The following KCNQ1 variants were observed in gnomAD, a reference collection of about 807,000 sequenced individuals.
The protein encoded by KCNQ1 is potassium voltage-gated channel subfamily Q member 1.
KCNQ1 carries 49 observed loss-of-function variants against 72.4 expected under a neutral mutation model. The observed-to-expected ratio is 0.68, with a 90% confidence interval of 0.54 to 0.86. KCNQ1 has a LOEUF of 0.86. Ranked by LOEUF, KCNQ1 falls within the 40% of genes least tolerant of loss-of-function variation. The probability of loss-of-function intolerance (pLI) is 0.00; values close to 1 mark genes in which losing one functional copy is unlikely to be tolerated. For missense variants in KCNQ1, 790 were observed against 945.1 expected (o/e 0.84, Z 2.15); for synonymous variants, 450 against 412.6 (o/e 1.09, Z -1.10).
At chr11:2,701,856 G>C (rs181332226) in intron 11 of KCNQ1, among the ~76,000 whole-genome samples, 13 of 152,368 alleles carry the variant, frequency 8.5e-5, no homozygotes, top group Admixed American at 5.2e-4. Context: ...CTGCAATGCA[G>C]AGATACCTGC....
chr11:2,631,539 C>A, intron 10 of KCNQ1: 2 of 398,262 alleles, frequency 5.0e-6, no homozygotes, highest in South Asian at 2.6e-4. Context: ...TTAAATCAGT[C>A]GTTTTTAATT....
At position 2,711,940 on chromosome 11, in the gene KCNQ1, C is replaced by A. The variant is rs1288788167; in HGVS notation, c.1514+49859C>A. Among the ~76,000 whole-genome samples, 1 of 152,072 alleles carries A rather than the reference C, an allele frequency of 6.6e-6. No homozygotes were observed. The highest frequency in any genetic ancestry group is 1.5e-5 in the Non-Finnish European group (1 of 68,008). The stretch of plus-strand genomic sequence containing the variant: ...GTGGCTGGGGCTGCTCACCTGCTCA[C>A]CTGTGTCCATCCCCTTGGGCAGCAC... On this transcript the variant is annotated intron_variant, in intron 11 of 15. Coordinates refer to ENST00000155840, the MANE Select transcript of KCNQ1 (RefSeq NM_000218.3). This position sits in a 1 kb window ranked among gnomAD's most constrained non-coding sequence, Gnocchi z 5.4.
intron 11 of KCNQ1, chr11:2,684,563 A>T (rs1477776617): frequency 2.5e-6 from 1 of 398,542 alleles, no homozygotes; most frequent in Non-Finnish European, 4.4e-6. Flanking sequence ...CATGTCCCAT[A>T]AATGACTTTC....
In KCNQ1 at chr11:2,761,333, C is replaced by T. The variant is rs144925633; in HGVS notation, c.1515-7511C>T. On this transcript the variant is annotated intron_variant, in intron 11 of 15. Coordinates refer to ENST00000155840, the MANE Select transcript of KCNQ1 (RefSeq NM_000218.3). ...TGTGTTCCTCTCGACCTACCCTCAA[C>T]GTCCAGCCGCTTGTGTCTTCTTCTG... Among the ~76,000 whole-genome samples the T allele has an allele frequency of 6.8e-4, 103 of 152,282 alleles. 1 individual carries two copies. The highest frequency in any genetic ancestry group is 1.8e-3 in the African/African-American group (75 of 41,546).
In KCNQ1 at chr11:2,817,896, C is replaced by T. The variant is rs768173738; in HGVS notation, c.1795-29871C>T. On this transcript the variant is annotated intron_variant, in intron 15 of 15. Coordinates refer to ENST00000155840, the MANE Select transcript of KCNQ1 (RefSeq NM_000218.3). This position sits in a 1 kb window ranked among gnomAD's most constrained non-coding sequence, Gnocchi z 6.1. ...CCCCAGCCAGCACCTACCAGCTTTGCGCAAATGCTCCACATTTGCATTTTA... is the reference window on the plus strand; with the variant it reads ...CCCCAGCCAGCACCTACCAGCTTTGTGCAAATGCTCCACATTTGCATTTTA... 2.4e-4 allele frequency among the ~76,000 whole-genome samples: 37 copies of T among 152,238 alleles called. No homozygotes were observed. Among genetic ancestry groups the T allele is most frequent in the African/African-American group, 7.5e-4 (31 of 41,540 alleles).
intron 10 of KCNQ1, chr11:2,656,640 A>G (rs577250569): frequency 1.5e-4 from 58 of 398,186 alleles, no homozygotes; most frequent in African/African-American, 1.1e-3. Context: ...TATTTTTCCT[A>G]TTGATTTGTA....
intron 1 of KCNQ1, among the ~76,000 whole-genome samples, chr11:2,460,998 G>A (rs1448167470): frequency 6.6e-6 from 1 of 152,224 alleles, no homozygotes; most frequent in Admixed American, 6.5e-5. Context: ...GTTTCCGGGG[G>A]TGTCCGGGAG....
At chr11:2,774,833 T>A (rs1284046579) in intron 12 of KCNQ1, among the ~76,000 whole-genome samples, 6 of 152,128 alleles carry the variant, frequency 3.9e-5, no homozygotes, top group African/African-American at 1.4e-4. Context: ...AGGGAGGGCA[T>A]GTTCCCAGAC....
chr11:2,848,342 A>C lies in KCNQ1; in HGVS notation c.*339A>C. The C allele has an allele frequency of 1.8e-6, 1 of 567,648 alleles. No homozygotes were observed. The allele number at this position is 567,648 out of a possible 1,614,324, so 35.2% of individuals were successfully genotyped here. A position where few individuals can be genotyped will look rare whatever the true frequency, so the allele number is the denominator to read the frequency against. ...GGCCCATGTATGGCCAGGAAGTAGC[A>C]CAGGCTGAGTGCAGGCCCACCCTGC... On this transcript the variant is annotated 3_prime_UTR_variant, in exon 16 of 16. Transcript: ENST00000155840.
At position 2,579,439 on chromosome 11, in the gene KCNQ1, C is replaced by T. The variant is rs150828583; in HGVS notation, c.922-3996C>T. On this transcript the variant is annotated intron_variant, in intron 6 of 15. Transcript: ENST00000155840. The surrounding 1 kb of genome is among the most constrained non-coding windows in gnomAD (Gnocchi z 6.0). Reference sequence around the variant, plus strand: ...TGGCTGGTGCCCTGGCAAGGAGCCACGGCCCAGGAGACAGACATGTGGATC... The same window carrying T: ...TGGCTGGTGCCCTGGCAAGGAGCCATGGCCCAGGAGACAGACATGTGGATC... Among the ~76,000 whole-genome samples the T allele has an allele frequency of 5.4e-3, 823 of 152,322 alleles. 11 individuals carry two copies. The highest frequency in any genetic ancestry group is 0.019 in the African/African-American group (792 of 41,560).
chr11:2,480,047 T>G (rs1846629178), intron 1 of KCNQ1, among the ~76,000 whole-genome samples: 1 of 152,168 alleles, frequency 6.6e-6, no homozygotes, highest in Admixed American at 6.6e-5. Flanking sequence ...GTTTCTCATC[T>G]CCATCTGAGA....
At position 2,848,740 on chromosome 11, in the gene KCNQ1, C is replaced by T; in HGVS notation, c.*737C>T. The T allele has an allele frequency of 2.2e-6, 1 of 454,014 alleles. No individual in the cohort carries two copies. Among genetic ancestry groups the T allele is most frequent in the Non-Finnish European group, 4.4e-6 (1 of 226,710 alleles). 28.1% of individuals were successfully genotyped at this position (454,014 alleles called of 1,614,324 possible). Reference sequence around the variant, plus strand: ...GCCCCTGAGCCCACTGTGCGTGGGGCTCCCGCCTCCAACCCCTCGCCCAGT... The same window carrying T: ...GCCCCTGAGCCCACTGTGCGTGGGGTTCCCGCCTCCAACCCCTCGCCCAGT... On this transcript the variant is annotated 3_prime_UTR_variant, in exon 16 of 16. Coordinates refer to ENST00000155840, the MANE Select transcript of KCNQ1 (RefSeq NM_000218.3).
At position 2,645,044 on chromosome 11, in the gene KCNQ1, C is replaced by G. The variant is rs1002480214; in HGVS notation, c.1394-16917C>G. The G allele has an allele frequency of 7.5e-6, 3 of 398,664 alleles. No homozygotes were observed. Among genetic ancestry groups the G allele is most frequent in the African/African-American group, 6.2e-5 (3 of 48,620 alleles). The allele number at this position is 398,664 out of a possible 1,614,324, so 24.7% of individuals were successfully genotyped here. A position where few individuals can be genotyped will look rare whatever the true frequency, so the allele number is the denominator to read the frequency against. ...ATTTTGGGCCTCCAGGCAACTTGCTCAGGTGCCAATGATGACAGAGCTGGG... is the reference window on the plus strand; with the variant it reads ...ATTTTGGGCCTCCAGGCAACTTGCTGAGGTGCCAATGATGACAGAGCTGGG... On this transcript the variant is annotated intron_variant, in intron 10 of 15. Transcript: ENST00000155840. The surrounding 1 kb of genome is among the most constrained non-coding windows in gnomAD (Gnocchi z 5.8).
Position 2,570,663 on chromosome 11 carries a change from C to T in KCNQ1, c.513C>T (p.Tyr171=), listed in dbSNP as rs139042529. 1,372 of 1,612,624 alleles carry T rather than the reference C, an allele frequency of 8.5e-4. 4 individuals are homozygous for T. Among genetic ancestry groups the T allele is most frequent in the Admixed American group, 1.1e-3 (65 of 60,020 alleles). ...IVLVVFFGTE[Y]VVRLWSAGCR... ...TGGTGGTGTTCTTCGGGACGGAGTACGTGGTCCGCCTCTGGTCCGCCGGCT... is the reference window on the plus strand; with the variant it reads ...TGGTGGTGTTCTTCGGGACGGAGTATGTGGTCCGCCTCTGGTCCGCCGGCT... The change falls in exon 3 of 16, where the codon TAC becomes TAT. Residue 171 remains tyrosine (Y), a synonymous_variant. Coordinates refer to ENST00000155840, the MANE Select transcript of KCNQ1 (RefSeq NM_000218.3).
At chr11:2,505,088 C>G (rs1013331944) in intron 1 of KCNQ1, among the ~76,000 whole-genome samples, 2 of 151,246 alleles carry the variant, frequency 1.3e-5, no homozygotes, top group Non-Finnish European at 2.9e-5. Flanking sequence ...TCCCAGGACA[C>G]ATGTGCAGGA....
At chr11:2,696,436 C>T (rs1850677589) in intron 11 of KCNQ1, 1 of 398,700 alleles carries the variant, frequency 2.5e-6, no homozygotes, top group Non-Finnish European at 4.4e-6. Context: ...GAGCTCTCTT[C>T]TGGGCCTCTG....
Position 2,626,743 on chromosome 11 carries a change from G to A in KCNQ1, c.1394-35218G>A. On this transcript the variant is annotated intron_variant, in intron 10 of 15. Coordinates refer to ENST00000155840, the MANE Select transcript of KCNQ1 (RefSeq NM_000218.3). This position sits in a 1 kb window ranked among gnomAD's most constrained non-coding sequence, Gnocchi z 4.0. ...GAGGTCTCCCTGTGTTCCCCAGGCT[G>A]GTCTCAAACTCCTGGACTCAGAAGT... 2.5e-6 allele frequency: 1 copy of A among 398,334 alleles called. No homozygotes were observed. The highest frequency in any genetic ancestry group is 4.4e-6 in the Non-Finnish European group (1 of 226,058). 24.7% of individuals were successfully genotyped at this position (398,334 alleles called of 1,614,324 possible). A position where few individuals can be genotyped will look rare whatever the true frequency, so the allele number is the denominator to read the frequency against.
intron 11 of KCNQ1, among the ~76,000 whole-genome samples, chr11:2,718,179 G>A (rs549337207): frequency 2.0e-4 from 31 of 152,278 alleles, no homozygotes; most frequent in African/African-American, 7.2e-4. Context: ...GCAGCCCAGA[G>A]GCCCTCCCCT....
Position 2,598,485 on chromosome 11 carries a change from A to T in KCNQ1, c.1393+9631A>T, listed in dbSNP as rs1176213206. 2.0e-5 allele frequency among the ~76,000 whole-genome samples: 3 copies of T among 152,150 alleles called. No individual in the cohort carries two copies. Among genetic ancestry groups the T allele is most frequent in the Non-Finnish European group, 4.4e-5 (3 of 68,034 alleles). On this transcript the variant is annotated intron_variant, in intron 10 of 15. Coordinates refer to ENST00000155840, the MANE Select transcript of KCNQ1 (RefSeq NM_000218.3). The surrounding 1 kb of genome is among the most constrained non-coding windows in gnomAD (Gnocchi z 6.2). Reference sequence around the variant, plus strand: ...GTAAATGCTCCACAGACCTCAGAAAATATCTTCTGTATTTGTATAACACAA... The same window carrying T: ...GTAAATGCTCCACAGACCTCAGAAATTATCTTCTGTATTTGTATAACACAA...
Sources: allele counts gnomAD v4.1 joint callset (sites outside exome capture counted in the v4.1 genomes callset), GRCh38; gene constraint gnomAD v4.1.1; non-coding constraint Gnocchi (gnomAD v3.1); transcripts MANE v1.5; gene names NCBI Gene and HGNC (gene_info 2026-07-23, HGNC 2026-07-21).